The following DGLUCY variants were observed in gnomAD, a reference collection of about 807,000 sequenced individuals.
DGLUCY encodes D-glutamate cyclase.
In DGLUCY, 58 loss-of-function variants were observed where a neutral mutation model predicts 58.5. The observed-to-expected ratio is 0.99, with a 90% CI of 0.80 to 1.23. DGLUCY has a LOEUF of 1.23. Ranked by LOEUF, DGLUCY falls within the 50% of genes most tolerant of loss-of-function variation. The pLI, the probability that DGLUCY is intolerant of heterozygous loss-of-function variation, is 0.00. For missense variants in DGLUCY, 779 were observed against 784.7 expected (o/e 0.99, Z 0.09); for synonymous variants, 325 against 314.1 (o/e 1.03, Z -0.37).
intron 1 of DGLUCY, among the ~76,000 whole-genome samples, chr14:91,135,037 A>C (rs903499472): frequency 8.6e-5 from 13 of 151,062 alleles, no homozygotes; most frequent in Non-Finnish European, 1.5e-4. Flanking sequence ...CAATCCTCCC[A>C]CTAGCCTCCC....
chr14:91,206,709 A>C (rs1045669276), intron 12 of DGLUCY, among the ~76,000 whole-genome samples: 3 of 152,154 alleles, frequency 2.0e-5, no homozygotes, highest in African/African-American at 7.2e-5. Flanking sequence ...TACCAAGTAA[A>C]TTATGTCCAC....
intron 2 of DGLUCY, among the ~76,000 whole-genome samples, chr14:91,158,414 C>G (rs1718885913): frequency 6.6e-6 from 1 of 152,234 alleles, no homozygotes; most frequent in African/African-American, 2.4e-5. Flanking sequence ...ACTGTTGGCT[C>G]TAAGTACATC....
At chr14:91,067,617 C>T (rs957383061) in intron 1 of DGLUCY, among the ~76,000 whole-genome samples, 2 of 151,686 alleles carry the variant, frequency 1.3e-5, no homozygotes, top group Admixed American at 6.6e-5. Flanking sequence ...GGCACGATCT[C>T]GGCTCACTGC....
intron 4 of DGLUCY, 86 bp downstream of exon 4, chr14:91,167,464 TC>T: frequency 6.4e-7 from 1 of 1,562,070 alleles, no homozygotes; most frequent in Non-Finnish European, 8.8e-7. Flanking sequence ...GACCTCTCTG[TC>T]CAGCCTCAGG....
At chr14:91,160,441 A>T in intron 3 of DGLUCY, 44 bp downstream of exon 3, 1 of 1,141,960 alleles carries the variant, frequency 8.8e-7, no homozygotes, top group Non-Finnish European at 1.2e-6. Flanking sequence ...AAAAAAAAAA[A>T]GAAAGTTCCT....
intron 1 of DGLUCY, among the ~76,000 whole-genome samples, chr14:91,076,284 G>T (rs933944883): frequency 6.6e-6 from 1 of 152,146 alleles, no homozygotes; most frequent in Non-Finnish European, 1.5e-5. Flanking sequence ...AGCATCTGTA[G>T]ATGCTCATTT....
At chr14:91,200,736 T>C (rs1347051749) in intron 11 of DGLUCY, among the ~76,000 whole-genome samples, 3 of 152,054 alleles carry the variant, frequency 2.0e-5, no homozygotes, top group African/African-American at 7.2e-5. Context: ...CTACCATGCT[T>C]GGGTAATGTC....
chr14:91,119,589 G>A (rs1423876457), intron 1 of DGLUCY, among the ~76,000 whole-genome samples: 1 of 152,130 alleles, frequency 6.6e-6, no homozygotes, highest in Admixed American at 6.5e-5. Flanking sequence ...CTGGGTCTCT[G>A]TGTTCCACCC....
At chr14:91,218,404 A>ATTTTTTTTTTTT (rs35615811) in intron 13 of DGLUCY, among the ~76,000 whole-genome samples, 1 of 145,988 alleles carries the variant, frequency 6.8e-6, no homozygotes, top group Non-Finnish European at 1.5e-5. Context: ...TAAAATGGGG[A>ATTTTTTTTTTTT]TTTTTTTTTT....
chr14:91,063,544 C>T (rs953730253), intron 1 of DGLUCY, among the ~76,000 whole-genome samples: 10 of 152,168 alleles, frequency 6.6e-5, no homozygotes, highest in Non-Finnish European at 5.9e-5. Context: ...ATACATACAC[C>T]GTTTTAGGCA....
chr14:91,129,911 TGC>T (rs2045936993), intron 1 of DGLUCY, among the ~76,000 whole-genome samples: 1 of 152,214 alleles, frequency 6.6e-6, no homozygotes, highest in Non-Finnish European at 1.5e-5. Context: ...CCTCCCAAAG[TGC>T]TGGGATTACA....
At chr14:91,095,082 C>T (rs1002466689) in intron 1 of DGLUCY, among the ~76,000 whole-genome samples, 1 of 152,126 alleles carries the variant, frequency 6.6e-6, no homozygotes, top group Admixed American at 6.6e-5. Context: ...TGAGACAGCA[C>T]CCATGAGAAA....
intron 9 of DGLUCY, among the ~76,000 whole-genome samples, chr14:91,193,757 G>T (rs142654864): frequency 6.6e-6 from 1 of 151,536 alleles, no homozygotes; most frequent in Non-Finnish European, 1.5e-5. Flanking sequence ...CAGGAGAACC[G>T]CTTGAACCTG....
chr14:91,083,240 G>A (rs2044156462), intron 1 of DGLUCY, among the ~76,000 whole-genome samples: 1 of 152,148 alleles, frequency 6.6e-6, no homozygotes, highest in East Asian at 1.9e-4. Context: ...AAAGAGAGAA[G>A]GCCGGGCGCA....
intron 1 of DGLUCY, among the ~76,000 whole-genome samples, chr14:91,075,321 A>G (rs1049466737): frequency 1.3e-5 from 2 of 151,974 alleles, no homozygotes; most frequent in Non-Finnish European, 2.9e-5. Context: ...TTTTGTATTT[A>G]GGGTAGAGAC....
At chr14:91,137,235 A>G (rs1029363443) in intron 1 of DGLUCY, among the ~76,000 whole-genome samples, 1 of 151,292 alleles carries the variant, frequency 6.6e-6, no homozygotes, top group Admixed American at 6.6e-5. Context: ...AGGTTCCCAA[A>G]TTGCTAGGAT....
At chr14:91,179,294 C>T (rs978977139) in intron 7 of DGLUCY, among the ~76,000 whole-genome samples, 3 of 152,014 alleles carry the variant, frequency 2.0e-5, no homozygotes, top group African/African-American at 7.2e-5. Flanking sequence ...TAAGATACTA[C>T]GTGGTTCAGG....
intron 12 of DGLUCY, among the ~76,000 whole-genome samples, chr14:91,210,472 C>T (rs1885500504): frequency 6.6e-6 from 1 of 152,038 alleles, no homozygotes; most frequent in Admixed American, 6.6e-5. Flanking sequence ...TTGGAGGCTG[C>T]AGTCTGCTGG....
chr14:91,161,580 G>T (rs528967801), intron 3 of DGLUCY, among the ~76,000 whole-genome samples: 3 of 152,142 alleles, frequency 2.0e-5, no homozygotes, highest in Non-Finnish European at 4.4e-5. Flanking sequence ...TTCAATAGTG[G>T]TCGCCAAACT....
Sources: gnomAD v4.1 joint callset for allele counts (sites outside exome capture counted in the v4.1 genomes callset) on GRCh38, gnomAD v4.1.1 for gene constraint, MANE v1.5 for transcripts, NCBI Gene and HGNC (gene_info 2026-07-23, HGNC 2026-07-21) for gene names.